The following SLC24A4 variants were observed in gnomAD, a reference collection of about 807,000 sequenced individuals.
SLC24A4 encodes sodium/potassium/calcium exchanger 4.
SLC24A4 carries 53 observed loss-of-function variants against 79.0 expected under a neutral mutation model. The observed-to-expected ratio is 0.67, with a 90% CI of 0.54 to 0.84. The LOEUF is 0.84. Ranked by LOEUF, SLC24A4 falls within the 40% of genes least tolerant of loss-of-function variation. The pLI, the probability that SLC24A4 is intolerant of heterozygous loss-of-function variation, is 0.00. For synonymous variants in SLC24A4, 323 were observed against 323.8 expected (o/e 1.00, Z 0.03); for missense variants, 731 against 822.0 (o/e 0.89, Z 1.35).
intron 2 of SLC24A4, among the ~76,000 whole-genome samples, chr14:92,395,798 A>G (rs72695138): frequency 6.6e-6 from 1 of 151,836 alleles, no homozygotes. Context: ...TTGTCATGAG[A>G]TGGTTATGGT....
chr14:92,456,742 A>G, intron 12 of SLC24A4, 134 bp downstream of exon 12: 2 of 899,126 alleles, frequency 2.2e-6, no homozygotes, highest in Admixed American at 4.7e-5. Context: ...ATATTAGGTC[A>G]CTGGAATGCT....
intron 12 of SLC24A4, among the ~76,000 whole-genome samples, chr14:92,465,856 G>A (rs1445480956): frequency 6.6e-6 from 1 of 152,072 alleles, no homozygotes; most frequent in African/African-American, 2.4e-5. Context: ...ACCTACACCT[G>A]TGTGTGGCAC....
chr14:92,484,624 C>T, intron 13 of SLC24A4: 5 of 985,370 alleles, frequency 5.1e-6, no homozygotes, highest in Non-Finnish European at 6.0e-6. Context: ...CAGCATCTGC[C>T]CCAGCCCCAG....
At chr14:92,404,278 T>C (rs1890260106) in intron 2 of SLC24A4, among the ~76,000 whole-genome samples, 1 of 152,208 alleles carries the variant, frequency 6.6e-6, no homozygotes, top group Non-Finnish European at 1.5e-5. Context: ...CTATAGCCTC[T>C]TCTTATGACA....
intron 2 of SLC24A4, among the ~76,000 whole-genome samples, chr14:92,400,865 T>A (rs1317314552): frequency 6.6e-6 from 1 of 152,208 alleles, no homozygotes; most frequent in African/African-American, 2.4e-5. Context: ...AGAGCTTTTG[T>A]CAACACTGTT....
At chr14:92,484,079 C>G in intron 13 of SLC24A4, 1 of 985,368 alleles carries the variant, frequency 1.0e-6, no homozygotes, top group Non-Finnish European at 1.2e-6. Flanking sequence ...TCATCACTCT[C>G]TTACAAGGCC....
intron 12 of SLC24A4, among the ~76,000 whole-genome samples, chr14:92,474,863 A>ATATATATAT (rs36185636): frequency 0.019 from 1,076 of 57,076 alleles, 132 homozygotes; most frequent in Admixed American, 0.072. Context: ...ATATATATAT[A>ATATATATAT]TTTTTTTTTT....
intron 12 of SLC24A4, among the ~76,000 whole-genome samples, chr14:92,467,646 C>T (rs556926650): frequency 6.6e-6 from 1 of 152,318 alleles, no homozygotes; most frequent in South Asian, 2.1e-4. Flanking sequence ...TAGAAATTCA[C>T]TCCATGTTGC....
chr14:92,370,427 G>T (rs113064906), intron 2 of SLC24A4, among the ~76,000 whole-genome samples: 4 of 152,124 alleles, frequency 2.6e-5, no homozygotes, highest in Non-Finnish European at 4.4e-5. Flanking sequence ...TATTATTATT[G>T]CATTTCGCTG....
At chr14:92,480,657 C>T (rs1895017225) in intron 12 of SLC24A4, among the ~76,000 whole-genome samples, 1 of 152,162 alleles carries the variant, frequency 6.6e-6, no homozygotes, top group South Asian at 2.1e-4. Context: ...CACTATATCC[C>T]ATAAGCTTTA....
chr14:92,334,674 G>T (rs542519527), intron 2 of SLC24A4, among the ~76,000 whole-genome samples: 1 of 152,144 alleles, frequency 6.6e-6, no homozygotes, highest in South Asian at 2.1e-4. Context: ...GAAGGCAGAC[G>T]TGAGGGTTTG....
intron 13 of SLC24A4, among the ~76,000 whole-genome samples, chr14:92,483,404 G>A (rs562089551): frequency 1.1e-3 from 164 of 152,314 alleles, no homozygotes; most frequent in Non-Finnish European, 2.0e-3. Flanking sequence ...GAGAAATTGA[G>A]TAATTTCCCC....
rs572263848 is a variant in SLC24A4, at chr14:92,331,199, C to G, written c.241+5221C>G. Among the ~76,000 whole-genome samples the G allele has an allele frequency of 1.4e-3, 215 of 152,316 alleles. 1 individual carries two copies. The highest frequency in any genetic ancestry group is 4.8e-3 in the African/African-American group (200 of 41,576). On this transcript the variant is annotated intron_variant, in intron 2 of 16. Transcript: ENST00000532405. ...CACCTTCACAGGCTTTCCCTGGTAA[C>G]CCAGTTCAAAGTAGCCCTCTGAGTC...
intron 12 of SLC24A4, among the ~76,000 whole-genome samples, chr14:92,460,043 C>A (rs922526692): frequency 6.6e-6 from 1 of 152,084 alleles, no homozygotes; most frequent in Non-Finnish European, 1.5e-5. Context: ...CCAGGGGCCG[C>A]GGGAAGAGGG....
intron 2 of SLC24A4, among the ~76,000 whole-genome samples, chr14:92,415,603 G>T (rs563802296): frequency 1.3e-5 from 2 of 151,872 alleles, no homozygotes; most frequent in Non-Finnish European, 2.9e-5. Flanking sequence ...GATTGTAAGC[G>T]CCCACAACCA....
At chr14:92,412,671 C>T (rs11160063) in intron 2 of SLC24A4, among the ~76,000 whole-genome samples, 28,914 of 151,994 alleles carry the variant, frequency 0.19, 3,021 homozygotes, top group Non-Finnish European at 0.22. Context: ...CTCCATCCTG[C>T]GGGTCAGGGG....
intron 12 of SLC24A4, among the ~76,000 whole-genome samples, chr14:92,465,294 C>A (rs566665405): frequency 1.3e-5 from 2 of 152,252 alleles, no homozygotes; most frequent in South Asian, 2.1e-4. Context: ...AGATTAATGG[C>A]CCCCCTAGTG....
intron 3 of SLC24A4, 77 bp from the exon 4 acceptor site, chr14:92,439,258 G>A (rs1892356611): frequency 7.8e-7 from 1 of 1,276,176 alleles, no homozygotes; most frequent in South Asian, 1.2e-5. Context: ...TGGCAGCCTG[G>A]TTTGGGGTGT....
At chr14:92,339,102 C>T (rs1169854130) in intron 2 of SLC24A4, among the ~76,000 whole-genome samples, 1 of 152,144 alleles carries the variant, frequency 6.6e-6, no homozygotes, top group Non-Finnish European at 1.5e-5. Context: ...GCTCAAAGAT[C>T]GAGGTGCTGG....
Sources: allele counts gnomAD v4.1 joint callset (sites outside exome capture counted in the v4.1 genomes callset), GRCh38; gene constraint gnomAD v4.1.1; transcripts MANE v1.5; gene names NCBI Gene and HGNC (gene_info 2026-07-23, HGNC 2026-07-21).